PAX5: variants seen among roughly 807,000 people sequenced by gnomAD.
PAX5 encodes the protein paired box protein Pax-5.
In PAX5, 9 loss-of-function variants were observed where a neutral mutation model predicts 43.7. The ratio of observed to expected loss-of-function variants is 0.21; its 90% CI spans 0.12 to 0.36. The LOEUF is 0.36. PAX5 is among the 10% of genes least tolerant of loss of function. The probability of loss-of-function intolerance (pLI) is 1.00; values close to 1 mark genes in which losing one functional copy is unlikely to be tolerated. For missense variants in PAX5, 383 were observed against 532.7 expected, an observed-to-expected ratio of 0.72 and a Z score of 2.77; for synonymous variants, 228 against 214.3, an observed-to-expected ratio of 1.06 and a Z score of -0.56.
intron 1 of PAX5, chr9:37,026,513 C>G: frequency 7.6e-7 from 1 of 1,322,790 alleles, no homozygotes; most frequent in African/African-American, 1.5e-5. Context: ...GTGAGAGAAG[C>G]GAGCTCGCCG....
In PAX5 at chr9:37,015,876, G is replaced by A. The variant is rs564425646; in HGVS notation, c.213-682C>T. Among the ~76,000 whole-genome samples, 24 of 152,228 alleles carry A rather than the reference G, an allele frequency of 1.6e-4. No individual in the cohort carries two copies. Among genetic ancestry groups the A allele is most frequent in the Admixed American group, 1.5e-3 (23 of 15,284 alleles). ...ATTACAGGCATGAGCCACCACGCCC[G>A]GCCAGTCTCTCATTGTATTTCTATT... On this transcript the variant is annotated intron_variant, in intron 2 of 9. Coordinates refer to ENST00000358127, the MANE Select transcript of PAX5 (RefSeq NM_016734.3). The surrounding 1 kb of genome is among the most constrained non-coding windows in gnomAD (Gnocchi z 4.4).
At chr9:36,866,231 C>A (rs1330939284) in intron 8 of PAX5, among the ~76,000 whole-genome samples, 1 of 152,220 alleles carries the variant, frequency 6.6e-6, no homozygotes, top group Non-Finnish European at 1.5e-5. Flanking sequence ...GACTTCAGAA[C>A]CTCAGTTGGG....
chr9:36,897,104 G>A (rs530217598), intron 7 of PAX5, among the ~76,000 whole-genome samples: 70 of 152,284 alleles, frequency 4.6e-4, no homozygotes, highest in African/African-American at 1.6e-3. Context: ...CAATGCAGTG[G>A]GCATCTGACT....
At chr9:36,955,770 CAAAAAAA>C (rs67265503) in intron 6 of PAX5, among the ~76,000 whole-genome samples, 3 of 136,514 alleles carry the variant, frequency 2.2e-5, no homozygotes, top group African/African-American at 8.0e-5. Context: ...CTTTTTGTTT[CAAAAAAA>C]AAAAAATATA....
intron 5 of PAX5, among the ~76,000 whole-genome samples, chr9:36,997,613 C>T (rs1837498972): frequency 6.6e-6 from 1 of 152,230 alleles, no homozygotes; most frequent in Non-Finnish European, 1.5e-5. Flanking sequence ...CTGACTCAGC[C>T]TCCATTCCCC....
At position 36,844,990 on chromosome 9, in the gene PAX5, A is replaced by C. The variant is rs544753634; in HGVS notation, c.1099+1853T>G. 2.2e-4 allele frequency among the ~76,000 whole-genome samples: 33 copies of C among 152,308 alleles called. No individual in the cohort carries two copies. The South Asian group carries it at 6.8e-3, about 32-fold the overall frequency. ...CTAGGAACCTTGTAAAAATGAGAAA[A>C]ATGTGTCCCTTTTGAGAAGGTGCAG... On this transcript the variant is annotated intron_variant, in intron 9 of 9. Transcript: ENST00000358127.
chr9:36,848,412 G>A (rs1033761458), intron 8 of PAX5, among the ~76,000 whole-genome samples: 2 of 140,706 alleles, frequency 1.4e-5, no homozygotes, highest in African/African-American at 5.3e-5. Context: ...GCCTCTCTGG[G>A]GGCCACTCCC....
At chr9:36,868,621 G>A (rs1252557301) in intron 8 of PAX5, among the ~76,000 whole-genome samples, 1 of 152,082 alleles carries the variant, frequency 6.6e-6, no homozygotes, top group Admixed American at 6.5e-5. Context: ...GCTCTTCCTG[G>A]GCCATAAAAG....
intron 6 of PAX5, among the ~76,000 whole-genome samples, chr9:36,943,260 A>G (rs959541848): frequency 6.6e-6 from 1 of 152,164 alleles, no homozygotes; most frequent in African/African-American, 2.4e-5. Flanking sequence ...GCCCAGGCAA[A>G]GATGGGGAGT....
chr9:36,864,729 G>A lies in PAX5; in HGVS notation c.1012+17275C>T, dbSNP rs368978198. Among the ~76,000 whole-genome samples, 67 of 152,348 alleles carry A rather than the reference G, an allele frequency of 4.4e-4. No homozygotes were observed. The South Asian group carries it at 8.7e-3, about 20-fold the overall frequency. ...CTGCCTGCTCCCCTGGGAGCCTGCC[G>A]CCAGGGCTGATGGCGCTGACGGAGG... On this transcript the variant is annotated intron_variant, in intron 8 of 9. Coordinates refer to ENST00000358127, the MANE Select transcript of PAX5 (RefSeq NM_016734.3).
intron 7 of PAX5, among the ~76,000 whole-genome samples, chr9:36,910,069 C>T (rs1327253317): frequency 6.6e-6 from 1 of 152,086 alleles, no homozygotes; most frequent in Non-Finnish European, 1.5e-5. Context: ...GCAATCCACC[C>T]TCTTAATGTT....
chr9:36,839,059 T>TG lies in PAX5; in HGVS notation c.*1500dup, dbSNP rs772908444. 13 of 233,220 alleles carry TG rather than the reference T, an allele frequency of 5.6e-5. No homozygotes were observed. The highest frequency in any genetic ancestry group is 1.0e-4 in the Non-Finnish European group (12 of 118,084). 14.4% of individuals were successfully genotyped at this position (233,220 alleles called of 1,614,324 possible). The stretch of plus-strand genomic sequence containing the variant: ...GGACAAGGGCTCTACCTGGCTGTTC[T>TG]GACTTGACAAGAGAGACTATGCAAG... On this transcript the variant is annotated 3_prime_UTR_variant, in exon 10 of 10. Transcript: ENST00000358127.
chr9:36,897,264 G>A (rs1373030170), intron 7 of PAX5, among the ~76,000 whole-genome samples: 1 of 152,166 alleles, frequency 6.6e-6, no homozygotes, highest in Non-Finnish European at 1.5e-5. Context: ...GCGACTGTGA[G>A]CGGCCTTCAC....
At position 37,022,909 on chromosome 9, in the gene PAX5, C is replaced by T. The variant is rs1322262585; in HGVS notation, c.47-2108G>A. On this transcript the variant is annotated intron_variant, in intron 1 of 9. Coordinates refer to ENST00000358127, the MANE Select transcript of PAX5 (RefSeq NM_016734.3). ...CAACTTCCTTGAAAGGTCCCCAAGA[C>T]CCCTTGGCCTTCTCCACCATCACAA... Among the ~76,000 whole-genome samples the T allele has an allele frequency of 4.6e-5, 7 of 152,166 alleles. No homozygotes were observed. The South Asian group carries it at 1.2e-3, about 27-fold the overall frequency.
chr9:36,958,084 T>A (rs1290593788), intron 6 of PAX5, among the ~76,000 whole-genome samples: 1 of 152,198 alleles, frequency 6.6e-6, no homozygotes, highest in African/African-American at 2.4e-5. Context: ...AGTTGGGCTA[T>A]CAGAAAAGCT....
chr9:37,025,040 AGCCAGGCT>A (rs1274002643), intron 1 of PAX5, among the ~76,000 whole-genome samples: 1 of 152,138 alleles, frequency 6.6e-6, no homozygotes, highest in Non-Finnish European at 1.5e-5. Context: ...TCCTCCCCAG[AGCCAGGCT>A]GGAGTCCGAG....
At chr9:36,846,800 G>A (rs1822621692) in intron 9 of PAX5, 43 bp downstream of exon 9, 2 of 1,427,806 alleles carry the variant, frequency 1.4e-6, no homozygotes, top group Non-Finnish European at 2.0e-6. Context: ...GGATGGGGTA[G>A]CTGATGGCCC....
At chr9:37,023,237 C>T (rs549205150) in intron 1 of PAX5, among the ~76,000 whole-genome samples, 5 of 152,206 alleles carry the variant, frequency 3.3e-5, no homozygotes, top group African/African-American at 1.2e-4. Flanking sequence ...ACGAAGGTGG[C>T]ACACAACGGG....
chr9:36,932,558 G>C (rs1473986920), intron 6 of PAX5, among the ~76,000 whole-genome samples: 1 of 152,214 alleles, frequency 6.6e-6, no homozygotes, highest in East Asian at 1.9e-4. Flanking sequence ...TGATTGGCTG[G>C]AGATGGGGGT....
Sources: allele counts gnomAD v4.1 joint callset (sites outside exome capture counted in the v4.1 genomes callset), GRCh38; gene constraint gnomAD v4.1.1; non-coding constraint Gnocchi (gnomAD v3.1); transcripts MANE v1.5; gene names NCBI Gene and HGNC (gene_info 2026-07-23, HGNC 2026-07-21).